The following PRDM11 variants were observed in gnomAD, a reference collection of about 807,000 sequenced individuals.
PRDM11 encodes the protein PR/SET domain 11, also known as PR domain-containing protein 11.
PRDM11 carries 20 observed loss-of-function variants against 97.8 expected under a neutral mutation model. The observed-to-expected ratio is 0.20, with a 90% CI of 0.14 to 0.30. The LOEUF is 0.30. PRDM11 is among the 10% of genes least tolerant of loss of function. The probability of loss-of-function intolerance (pLI) is 1.00; values close to 1 mark genes in which losing one functional copy is unlikely to be tolerated. For missense variants in PRDM11, 1,139 were observed against 1,555.2 expected, an observed-to-expected ratio of 0.73 and a Z score of 4.50; for synonymous variants, 599 against 637.7, an observed-to-expected ratio of 0.94 and a Z score of 0.91.
intron 1 of PRDM11, among the ~76,000 whole-genome samples, chr11:45,164,125 G>T (rs1210367159): frequency 6.6e-6 from 1 of 152,204 alleles, no homozygotes; most frequent in South Asian, 2.1e-4. Flanking sequence ...TTCCTCCTGA[G>T]ATTGAGGTGA....
At chr11:45,163,142 C>T (rs1486960443) in intron 1 of PRDM11, among the ~76,000 whole-genome samples, 1 of 152,182 alleles carries the variant, frequency 6.6e-6, no homozygotes, top group Non-Finnish European at 1.5e-5. Flanking sequence ...CAAATTCCCT[C>T]TCCATGGGTA....
In PRDM11 at chr11:45,229,649, A is replaced by G. The variant is rs1854360354; in HGVS notation, c.*1490A>G. 6.6e-6 allele frequency: 1 copy of G among 152,192 alleles called. No homozygotes were observed. The highest frequency in any genetic ancestry group is 2.4e-5 in the African/African-American group (1 of 41,444). The allele number at this position is 152,192 out of a possible 1,614,324, so 9.4% of individuals were successfully genotyped here. A position where few individuals can be genotyped will look rare whatever the true frequency, so the allele number is the denominator to read the frequency against. On this transcript the variant is annotated 3_prime_UTR_variant, in exon 8 of 8. Coordinates refer to ENST00000683152, the MANE Select transcript of PRDM11 (RefSeq NM_001384648.1). Reference sequence around the variant, plus strand: ...TAACTACCGGTATACCTCGCAAGGGAGTTTTAAAAAATGTGCGTGAGCTGT... The same window carrying G: ...TAACTACCGGTATACCTCGCAAGGGGGTTTTAAAAAATGTGCGTGAGCTGT...
intron 1 of PRDM11, among the ~76,000 whole-genome samples, chr11:45,148,025 T>C (rs1277372778): frequency 6.6e-6 from 1 of 152,102 alleles, no homozygotes; most frequent in East Asian, 1.9e-4. Flanking sequence ...CCACATTTCC[T>C]CTTGGGAGGG....
chr11:45,174,459 C>CA (rs1310650312), intron 1 of PRDM11, among the ~76,000 whole-genome samples: 1 of 152,048 alleles, frequency 6.6e-6, no homozygotes, highest in Non-Finnish European at 1.5e-5. Context: ...CATGATCTTC[C>CA]AAAATGGGAA....
intron 1 of PRDM11, among the ~76,000 whole-genome samples, chr11:45,178,077 G>A (rs1234056267): frequency 6.6e-6 from 1 of 152,028 alleles, no homozygotes; most frequent in African/African-American, 2.4e-5. Flanking sequence ...TTTAAGACAG[G>A]AAAACGTTTA....
At chr11:45,198,719 G>A (rs1317492316) in intron 4 of PRDM11, among the ~76,000 whole-genome samples, 1 of 152,210 alleles carries the variant, frequency 6.6e-6, no homozygotes, top group African/African-American at 2.4e-5. Flanking sequence ...CAGAGGCAAA[G>A]CTGGAAGTTC....
In PRDM11 at chr11:45,227,904, T is replaced by C; in HGVS notation, c.3279T>C (p.Asn1093=). ...CCGCTTGCTGCGAGAAAGGCCGCAA[T>C]GCCCTCCAGCGAGTTCGCAAAAACC... ...TSTACCEKGR[N]ALQRVRKNHR... is the part of the protein sequence containing the mutation. Residue 1093 remains asparagine, a synonymous_variant, in exon 8 of 8, where the codon AAT becomes AAC. Coordinates refer to ENST00000683152, the MANE Select transcript of PRDM11 (RefSeq NM_001384648.1). This position sits in a 1 kb window ranked among gnomAD's most constrained non-coding sequence, Gnocchi z 8.0. 2 of 1,533,942 alleles carry C rather than the reference T, an allele frequency of 1.3e-6. No homozygotes were observed. The highest frequency in any genetic ancestry group is 1.7e-6 in the Non-Finnish European group (2 of 1,146,712).
chr11:45,218,693 C>T (rs925603242), intron 5 of PRDM11, among the ~76,000 whole-genome samples: 9 of 152,264 alleles, frequency 5.9e-5, no homozygotes, highest in Non-Finnish European at 1.3e-4. Context: ...GTTCCCTCAT[C>T]CCACCTTTTG....
chr11:45,205,949 G>A (rs908755769), intron 5 of PRDM11, among the ~76,000 whole-genome samples: 4 of 152,110 alleles, frequency 2.6e-5, no homozygotes, highest in African/African-American at 7.2e-5. Context: ...AGAGACCAGC[G>A]GGCCCCCTGC....
rs528519160 is a variant in PRDM11 at position 45,137,818 on chromosome 11, G to A, written c.96+41917G>A. On this transcript the variant is annotated intron_variant, in intron 1 of 6. Coordinates refer to the PRDM11 transcript ENST00000530656. ...TGTTTGAGCCCTCCAGTTCCTTCCC[G>A]ACTCGGGTCCAAAATTAGAGATCCC... 1.6e-4 allele frequency among the ~76,000 whole-genome samples: 24 copies of A among 152,248 alleles called. No individual in the cohort carries two copies. The South Asian group carries it at 2.3e-3, about 14-fold the overall frequency.
rs1160074098 is a variant in PRDM11, at chr11:45,227,283, C to T, written c.2658C>T (p.Asp886=). ...QSIKLIYFLL[D]VIAVLSRLAY... is the part of the protein sequence containing the mutation. ...TCAAGCTCATCTACTTCCTGCTGGA[C>T]GTGATTGCTGTGCTCTCGCGTCTGG... Residue 886 remains aspartate, a synonymous_variant, in exon 8 of 8, where the codon GAC becomes GAT. Transcript: ENST00000683152. The surrounding 1 kb of genome is among the most constrained non-coding windows in gnomAD (Gnocchi z 8.0). 5.2e-6 allele frequency: 8 copies of T among 1,533,988 alleles called. No individual in the cohort carries two copies. Among genetic ancestry groups the T allele is most frequent in the South Asian group, 1.2e-5 (1 of 83,974 alleles).
chr11:45,123,438 T>C (rs368472580), intron 1 of PRDM11, among the ~76,000 whole-genome samples: 149 of 136,440 alleles, frequency 1.1e-3, no homozygotes, highest in African/African-American at 3.5e-3. Flanking sequence ...TCCTGAATGG[T>C]ATTGCCTAGG....
At chr11:45,128,774 G>A (rs1353573905) in intron 1 of PRDM11, among the ~76,000 whole-genome samples, 1 of 151,872 alleles carries the variant, frequency 6.6e-6, no homozygotes, top group Non-Finnish European at 1.5e-5. Flanking sequence ...TCAGAAAAAA[G>A]AGAAATAAAA....
At chr11:45,114,300 A>G (rs1852255623) in intron 1 of PRDM11, among the ~76,000 whole-genome samples, 1 of 152,210 alleles carries the variant, frequency 6.6e-6, no homozygotes, top group South Asian at 2.1e-4. Context: ...AGTACCATAT[A>G]TGAAATTTAA....
intron 1 of PRDM11, among the ~76,000 whole-genome samples, chr11:45,148,667 G>T (rs566044034): frequency 2.0e-5 from 3 of 152,304 alleles, no homozygotes; most frequent in Admixed American, 2.0e-4. Flanking sequence ...CTGAGTTACA[G>T]TTCTGTCGTC....
At chr11:45,190,309 G>T (rs1320262065) in intron 4 of PRDM11, among the ~76,000 whole-genome samples, 1 of 151,980 alleles carries the variant, frequency 6.6e-6, no homozygotes, top group Non-Finnish European at 1.5e-5. Context: ...ACCATGTCTG[G>T]TTAATTTTTT....
At chr11:45,126,537 G>A (rs1243865680) in intron 1 of PRDM11, among the ~76,000 whole-genome samples, 1 of 152,072 alleles carries the variant, frequency 6.6e-6, no homozygotes, top group African/African-American at 2.4e-5. Context: ...GCCTGGTGGT[G>A]ACAAAATCTC....
intron 4 of PRDM11, among the ~76,000 whole-genome samples, chr11:45,184,830 G>A (rs1852645092): frequency 6.6e-6 from 1 of 152,162 alleles, no homozygotes; most frequent in East Asian, 1.9e-4. Context: ...CTGTGCATGG[G>A]TGGTCAGTGG....
intron 1 of PRDM11, among the ~76,000 whole-genome samples, chr11:45,164,580 G>A (rs1198773998): frequency 6.6e-6 from 1 of 152,232 alleles, no homozygotes. Flanking sequence ...CCGTCCTCAG[G>A]ACAGCCACCA....
Sources: gnomAD v4.1 joint callset for allele counts (sites outside exome capture counted in the v4.1 genomes callset) on GRCh38, gnomAD v4.1.1 for gene constraint, Gnocchi (gnomAD v3.1) non-coding constraint, MANE v1.5 for transcripts, NCBI Gene and HGNC (gene_info 2026-07-23, HGNC 2026-07-21) for gene names.